ZNF385D: variants seen among roughly 807,000 people sequenced by gnomAD.
The protein encoded by ZNF385D is zinc finger protein 659.
In ZNF385D, 15 loss-of-function variants were observed where a neutral mutation model predicts 35.8. That is an observed-to-expected ratio of 0.42 (90% CI 0.28 to 0.64). ZNF385D has a LOEUF of 0.64. ZNF385D is among the 30% of genes least tolerant of loss of function. ZNF385D has a pLI of 0.23. For missense variants in ZNF385D, 474 were observed against 494.6 expected (o/e 0.96, Z 0.39); for synonymous variants, 212 against 186.8 (o/e 1.13, Z -1.10).
chr3:21,567,248 A>C (rs2063180781), intron 2 of ZNF385D, among the ~76,000 whole-genome samples: 1 of 152,188 alleles, frequency 6.6e-6, no homozygotes, highest in African/African-American at 2.4e-5. Flanking sequence ...CTTAATTTAA[A>C]ATTACAGTAT....
intron 3 of ZNF385D, among the ~76,000 whole-genome samples, chr3:21,934,401 G>A (rs1341508266): frequency 6.6e-6 from 1 of 152,094 alleles, no homozygotes; most frequent in African/African-American, 2.4e-5. Context: ...GATTCTTTAA[G>A]CTCCAATTAA....
upstream of ZNF385D, chr3:21,751,431 A>G: frequency 2.0e-6 from 2 of 1,003,378 alleles, no homozygotes; most frequent in South Asian, 4.2e-5. Flanking sequence ...GAAATTCACC[A>G]CTGTGCAGGA....
chr3:22,312,670 A>G lies in ZNF385D; in HGVS notation c.106+59780T>C, dbSNP rs565472324. ...GAAAAAGTGCTCATTATCACTGGCCATCAGAGAAATGCAAATCAAAACCAC... is the reference window on the plus strand; with the variant it reads ...GAAAAAGTGCTCATTATCACTGGCCGTCAGAGAAATGCAAATCAAAACCAC... On this transcript the variant is annotated intron_variant, in intron 2 of 5. Coordinates refer to the ZNF385D transcript ENST00000494108. 1.1e-4 allele frequency among the ~76,000 whole-genome samples: 16 copies of G among 152,168 alleles called. No individual in the cohort carries two copies. In the East Asian group the frequency reaches 3.1e-3, roughly 30 times the overall value.
chr3:21,521,903 C>T (rs1707931960), intron 3 of ZNF385D, among the ~76,000 whole-genome samples: 1 of 152,158 alleles, frequency 6.6e-6, no homozygotes, highest in Non-Finnish European at 1.5e-5. Flanking sequence ...GAGAAAAAGA[C>T]ACCAGCCCTT....
intron 2 of ZNF385D, among the ~76,000 whole-genome samples, chr3:22,231,193 C>T (rs1367082957): frequency 2.0e-5 from 3 of 152,086 alleles, no homozygotes; most frequent in Non-Finnish European, 4.4e-5. Flanking sequence ...TTGCTTTAAG[C>T]CCCCTGCCAC....
chr3:22,224,654 CA>C, intron 2 of ZNF385D, among the ~76,000 whole-genome samples: 1 of 152,276 alleles, frequency 6.6e-6, no homozygotes, highest in East Asian at 1.9e-4. Context: ...TAAGGTGAGA[CA>C]ATCTTTTGTC....
chr3:22,182,876 T>G (rs1695377288), intron 2 of ZNF385D, among the ~76,000 whole-genome samples: 2 of 152,086 alleles, frequency 1.3e-5, no homozygotes, highest in South Asian at 4.1e-4. Flanking sequence ...GAGACTTTAG[T>G]AAATGTTTTG....
intron 2 of ZNF385D, among the ~76,000 whole-genome samples, chr3:22,215,663 T>C (rs1038303492): frequency 6.6e-5 from 10 of 152,110 alleles, no homozygotes; most frequent in African/African-American, 2.4e-4. Flanking sequence ...GCCCTGGTAC[T>C]GTAGTCCTGT....
At chr3:22,058,094 G>C (rs1458520216) in intron 3 of ZNF385D, among the ~76,000 whole-genome samples, 1 of 152,176 alleles carries the variant, frequency 6.6e-6, no homozygotes, top group African/African-American at 2.4e-5. Context: ...TACACAAGCT[G>C]ACAGACAGCA....
chr3:22,071,962 A>C (rs1700249517), intron 3 of ZNF385D, among the ~76,000 whole-genome samples: 1 of 152,128 alleles, frequency 6.6e-6, no homozygotes, highest in Non-Finnish European at 1.5e-5. Flanking sequence ...ATTTACCAAG[A>C]AACCTGAAGT....
chr3:21,703,067 A>G lies in ZNF385D; in HGVS notation c.23-38039T>C, dbSNP rs183020299. 3.4e-3 allele frequency among the ~76,000 whole-genome samples: 518 copies of G among 152,210 alleles called. 4 individuals carry two copies. The highest frequency in any genetic ancestry group is 0.012 in the African/African-American group (488 of 41,518). On this transcript the variant is annotated intron_variant, in intron 1 of 7. Coordinates refer to ENST00000281523, the MANE Select transcript of ZNF385D (RefSeq NM_024697.3). ...TATATTTTCAGCAACGTCTCACTCTACTGGTACCAATTTACTGTATTAGCC... is the reference window on the plus strand; with the variant it reads ...TATATTTTCAGCAACGTCTCACTCTGCTGGTACCAATTTACTGTATTAGCC...
chr3:21,741,269 C>G (rs752743246), intron 1 of ZNF385D, among the ~76,000 whole-genome samples: 1 of 152,142 alleles, frequency 6.6e-6, no homozygotes, highest in Admixed American at 6.5e-5. Flanking sequence ...GTGCCATAAA[C>G]GAAGTGATTC....
At chr3:21,651,287 CAAAAAAA>C (rs71044931) in intron 2 of ZNF385D, among the ~76,000 whole-genome samples, 1 of 80,118 alleles carries the variant, frequency 1.2e-5, no homozygotes, top group African/African-American at 5.2e-5. Context: ...GACTTCATCT[CAAAAAAA>C]AAAAAAAAAA....
chr3:21,730,555 C>T (rs1195039100), intron 1 of ZNF385D, among the ~76,000 whole-genome samples: 1 of 152,154 alleles, frequency 6.6e-6, no homozygotes, highest in East Asian at 1.9e-4. Context: ...AAGTGTCAGG[C>T]ACTGTCTAAT....
At chr3:21,647,326 C>T (rs993662470) in intron 2 of ZNF385D, among the ~76,000 whole-genome samples, 5 of 151,302 alleles carry the variant, frequency 3.3e-5, no homozygotes, top group African/African-American at 1.2e-4. Context: ...TCCATCCTTC[C>T]TTCCTTCCTT....
At chr3:21,435,084 A>G (rs1701483627) in intron 5 of ZNF385D, among the ~76,000 whole-genome samples, 1 of 152,010 alleles carries the variant, frequency 6.6e-6, no homozygotes, top group Non-Finnish European at 1.5e-5. Flanking sequence ...ATCCCTGGGC[A>G]TAGCGCTTGG....
intron 7 of ZNF385D, among the ~76,000 whole-genome samples, chr3:21,422,544 C>A (rs1379713939): frequency 6.6e-6 from 1 of 151,988 alleles, no homozygotes; most frequent in African/African-American, 2.4e-5. Context: ...AACAAAAAAA[C>A]AAAACTTCAG....
At chr3:21,799,335 C>A (rs1226784688) in intron 3 of ZNF385D, among the ~76,000 whole-genome samples, 6 of 152,098 alleles carry the variant, frequency 3.9e-5, no homozygotes, top group Admixed American at 3.9e-4. Context: ...CATATGGTAA[C>A]TGCCCAACTA....
At chr3:22,092,948 T>C (rs969998614) in intron 3 of ZNF385D, among the ~76,000 whole-genome samples, 6 of 152,184 alleles carry the variant, frequency 3.9e-5, no homozygotes, top group African/African-American at 9.6e-5. Context: ...AGATATAATA[T>C]TTTGAATGTT....
Sources: gnomAD v4.1 joint callset for allele counts (sites outside exome capture counted in the v4.1 genomes callset) on GRCh38, gnomAD v4.1.1 for gene constraint, MANE v1.5 for transcripts, NCBI Gene and HGNC (gene_info 2026-07-23, HGNC 2026-07-21) for gene names.